The following TMEM89 variants were observed in gnomAD, a reference collection of about 807,000 sequenced individuals.
TMEM89 encodes the protein transmembrane protein 89.
Under a neutral mutation model 9.3 loss-of-function variants are expected in TMEM89, and 4 were observed. The observed-to-expected ratio is 0.43, with a 90% CI of 0.21 to 0.98. The LOEUF (loss-of-function observed/expected upper bound fraction) is 0.98, where lower values mean the gene tolerates loss of function less well. TMEM89 is among the 50% of genes least tolerant of loss of function. The pLI is 0.27. For synonymous variants in TMEM89, 96 were observed against 92.5 expected (o/e 1.04, Z -0.21); for missense variants, 220 against 214.7 (o/e 1.02, Z -0.15).
At chr3:48,621,296 C>G (rs1192041471) in intron 1 of TMEM89, among the ~76,000 whole-genome samples, 167 bp downstream of exon 1, 1 of 130,982 alleles carries the variant, frequency 7.6e-6, no homozygotes, top group Non-Finnish European at 1.6e-5. Context: ...ATGGGTTCCA[C>G]GAAGGTGTGT....
At position 48,621,731 on chromosome 3, in the gene TMEM89, G is replaced by A; in HGVS notation, c.26C>T (p.Pro9Leu). The A allele has an allele frequency of 2.5e-6, 4 of 1,613,100 alleles. No homozygotes were observed. The highest frequency in any genetic ancestry group is 3.4e-6 in the Non-Finnish European group (4 of 1,179,894). ...AGACGTCACCAGCAGGAGCAGCAAAGGCAGCGAGGCCAGCACATGCAGCAT... is the reference window on the plus strand; with the variant it reads ...AGACGTCACCAGCAGGAGCAGCAAAAGCAGCGAGGCCAGCACATGCAGCAT... MLHVLASL[P>L]LLLLLVTSAS... Residue 9 changes from proline to leucine, a missense_variant, in exon 1 of 2, where the codon CCT (proline) becomes CTT (leucine). By Grantham distance (98) the Pro-to-Leu change is moderately conservative. Transcript: ENST00000330862.
In TMEM89 at chr3:48,620,809, C is replaced by T. The variant is rs1309177550; in HGVS notation, c.*33G>A. 4.3e-6 allele frequency: 7 copies of T among 1,609,482 alleles called. No homozygotes were observed. Among genetic ancestry groups the T allele is most frequent in the Non-Finnish European group, 6.0e-6 (7 of 1,176,112 alleles). ...AAAGAGCAGACCTGGCCCAGGACCT[C>T]AGGCTGTCAGGCAAAGAGAGGCACA... On this transcript the variant is annotated 3_prime_UTR_variant, in exon 2 of 2. Transcript: ENST00000330862.
Position 48,620,922 on chromosome 3 carries a change from C to T in TMEM89, c.400G>A (p.Val134Ile). The change falls in exon 2 of 2, where the codon GTC (valine) becomes ATC (isoleucine). Residue 134 changes from valine (V) to isoleucine (I), a missense_variant. Transcript: ENST00000330862. ...GVLHMLDALL[V>I]HIEGHLRHLA... ...TGACGTAGGTGGCCTTCGATGTGGA[C>T]CAGGAGGGCATCCAGCATGTGCAGG... 6.2e-7 allele frequency: 1 copy of T among 1,614,118 alleles called. No homozygotes were observed.
chr3:48,621,478 C>G lies in TMEM89; in HGVS notation c.279G>C (p.Gln93His). 1 of 1,613,120 alleles carries G rather than the reference C, an allele frequency of 6.2e-7. No individual in the cohort carries two copies. Among genetic ancestry groups the G allele is most frequent in the Non-Finnish European group, 8.5e-7 (1 of 1,179,746 alleles). ...CTGTGCTCACCTCACCCTTGGTGGC[C>G]TGTGAGCGCCGCCGCCCCTGCAGTA... ...RKILQGRRRS[Q>H]ATKGEHPQVT... The change falls in exon 1 of 2, where the codon CAG becomes CAC. Residue 93 changes from glutamine (Q) to histidine (H), a missense_variant. Coordinates refer to ENST00000330862, the MANE Select transcript of TMEM89 (RefSeq NM_001008269.3).
intron 1 of TMEM89, among the ~76,000 whole-genome samples, 178 bp downstream of exon 1, chr3:48,621,285 C>T (rs2046537205): frequency 6.9e-6 from 1 of 145,132 alleles, no homozygotes; most frequent in Non-Finnish European, 1.5e-5. Flanking sequence ...GGGTGGTGGA[C>T]ATGGGTTCCA....
At position 48,620,805 on chromosome 3, in the gene TMEM89, A is replaced by C; in HGVS notation, c.*37T>G. 6.2e-7 allele frequency: 1 copy of C among 1,603,746 alleles called. No individual in the cohort carries two copies. Among genetic ancestry groups the C allele is most frequent in the Non-Finnish European group, 8.5e-7 (1 of 1,171,112 alleles). The stretch of plus-strand genomic sequence containing the variant: ...CTGGAAAGAGCAGACCTGGCCCAGG[A>C]CCTCAGGCTGTCAGGCAAAGAGAGG... On this transcript the variant is annotated 3_prime_UTR_variant, in exon 2 of 2. Transcript: ENST00000330862.
Position 48,620,844 on chromosome 3 carries a change from A to G in TMEM89, c.478T>C (p.Ter160ArgextTer?). The change falls in exon 2 of 2, where the codon TGA becomes CGA. Residue 160 changes from the stop codon to arginine, a stop_lost. Coordinates refer to ENST00000330862, the MANE Select transcript of TMEM89 (RefSeq NM_001008269.3). The part of the protein sequence containing the change: ...QIKGTSTQSG[*>R] ...GGCAAAGAGAGGCACATGTTCGGTC[A>G]CCCACTCTGGGTGGAAGTCCCCTTT... 6.2e-7 allele frequency: 1 copy of G among 1,614,080 alleles called. No individual in the cohort carries two copies. Among genetic ancestry groups the G allele is most frequent in the South Asian group, 1.1e-5 (1 of 91,078 alleles).
chr3:48,621,088 G>A, intron 1 of TMEM89, 61 bp from the exon 2 acceptor site: 1 of 1,551,508 alleles, frequency 6.4e-7, no homozygotes, highest in East Asian at 2.3e-5. Flanking sequence ...ATGTGACAAG[G>A]GGCAGTGATG....
In TMEM89 at chr3:48,620,903, A is replaced by G. The variant is rs1202316514; in HGVS notation, c.419T>C (p.Leu140Pro). 6 of 1,614,060 alleles carry G rather than the reference A, an allele frequency of 3.7e-6. No homozygotes were observed. The highest frequency in any genetic ancestry group is 4.2e-6 in the Non-Finnish European group (5 of 1,180,034). The change falls in exon 2 of 2, where the codon CTA (leucine) becomes CCA (proline). Residue 140 changes from leucine (L) to proline (P), a missense_variant. Coordinates refer to ENST00000330862, the MANE Select transcript of TMEM89 (RefSeq NM_001008269.3). ...DALLVHIEGH[L>P]RHLATQRQIQ... ...TTGCCGCTGGGTGGCTAGATGACGT[A>G]GGTGGCCTTCGATGTGGACCAGGAG...
rs747974343 is a variant in TMEM89, at chr3:48,621,665, A to G, written c.92T>C (p.Val31Ala). Residue 31 changes from valine to alanine, a missense_variant, in exon 1 of 2, where the codon GTG (valine) becomes GCG (alanine). Transcript: ENST00000330862. The stretch of plus-strand genomic sequence containing the variant: ...CCCCCAGGGCTGCAAGTCCAGCCCC[A>G]CCTGGTACCAGAGGGGTCTCGACCA... ...HAWSRPLWYQ[V>A]GLDLQPWGCQ... 1.9e-6 allele frequency: 3 copies of G among 1,613,878 alleles called. No homozygotes were observed. Among genetic ancestry groups the G allele is most frequent in the Non-Finnish European group, 2.5e-6 (3 of 1,179,974 alleles).
At chr3:48,621,432 G>C (rs764913919) in intron 1 of TMEM89, 31 bp downstream of exon 1, 2 of 1,604,964 alleles carry the variant, frequency 1.2e-6, no homozygotes, top group African/African-American at 2.7e-5. Flanking sequence ...TGAGGCAGGG[G>C]CTGTGGGGGA....
intron 1 of TMEM89, 130 bp from the exon 2 acceptor site, chr3:48,621,157 T>C: frequency 3.3e-6 from 3 of 919,354 alleles, no homozygotes; most frequent in Non-Finnish European, 5.0e-6. Flanking sequence ...GGAGGGAGAC[T>C]CAGGGTGATA....
In TMEM89 at chr3:48,621,477, C is replaced by T. The variant is rs138405360; in HGVS notation, c.280G>A (p.Ala94Thr). 4.3e-5 allele frequency: 69 copies of T among 1,612,990 alleles called. 2 individuals are homozygous for T. In the South Asian group the frequency reaches 6.9e-4, roughly 16 times the overall value. ...GCTGTGCTCACCTCACCCTTGGTGG[C>T]CTGTGAGCGCCGCCGCCCCTGCAGT... ...KILQGRRRSQ[A>T]TKGEHPQVTT... The change falls in exon 1 of 2, where the codon GCC becomes ACC. Residue 94 changes from alanine (A) to threonine (T), a missense_variant. By Grantham distance (58) the Ala-to-Thr change is moderately conservative. Transcript: ENST00000330862.
chr3:48,621,200 T>C (rs1194586042), intron 1 of TMEM89, among the ~76,000 whole-genome samples, 173 bp from the exon 2 acceptor site: 2 of 151,084 alleles, frequency 1.3e-5, no homozygotes, highest in African/African-American at 4.9e-5. Flanking sequence ...TGGGCTACAG[T>C]GGTCATGGGG....
chr3:48,621,152 G>A (rs2046536131), intron 1 of TMEM89, 125 bp from the exon 2 acceptor site: 5 of 980,670 alleles, frequency 5.1e-6, no homozygotes, highest in South Asian at 1.5e-5. Flanking sequence ...GGATGGGAGG[G>A]AGACTCAGGG....
chr3:48,621,391 T>C (rs1575518967), intron 1 of TMEM89, 72 bp downstream of exon 1: 20 of 1,549,804 alleles, frequency 1.3e-5, no homozygotes, highest in Non-Finnish European at 1.7e-5. Flanking sequence ...CAGGGTTGGG[T>C]GGAAGACGGG....
At position 48,621,545 on chromosome 3, in the gene TMEM89, G is replaced by A. The variant is rs558101640; in HGVS notation, c.212C>T (p.Ala71Val). 35 of 1,613,826 alleles carry A rather than the reference G, an allele frequency of 2.2e-5. No individual in the cohort carries two copies. The highest frequency in any genetic ancestry group is 7.7e-5 in the South Asian group (7 of 91,084). The change falls in exon 1 of 2, where the codon GCG becomes GTG. Residue 71 changes from alanine to valine, a missense_variant. By Grantham distance (64) the Ala-to-Val change is moderately conservative. Coordinates refer to ENST00000330862, the MANE Select transcript of TMEM89 (RefSeq NM_001008269.3). ...PGASRIYPVA[A>V]VMITTTMLMI... ...CAGCATCGTGGTGGTGATCATGACC[G>A]CAGCCACGGGGTAGATGCGGCTTGC...
chr3:48,621,066 G>A, intron 1 of TMEM89, 39 bp from the exon 2 acceptor site: 2 of 1,599,864 alleles, frequency 1.3e-6, no homozygotes, highest in Non-Finnish European at 1.7e-6. Context: ...AGAATGGTGG[G>A]CAGAGAGGGA....
Position 48,620,893 on chromosome 3 carries a change from T to TAGATGACGTAGGTGGCC in TMEM89, c.412_428dup (p.Gln146TyrfsTer4). On this transcript the variant is annotated frameshift_variant, in exon 2 of 2. Transcript: ENST00000330862. LOFTEE classifies it high-confidence loss of function. The stretch of plus-strand genomic sequence containing the variant: ...TTATTTGGATTTGCCGCTGGGTGGC[T>TAGATGACGTAGGTGGCC]AGATGACGTAGGTGGCCTTCGATGT... 6.2e-7 allele frequency: 1 copy of TAGATGACGTAGGTGGCC among 1,614,138 alleles called. No homozygotes were observed. Among genetic ancestry groups the TAGATGACGTAGGTGGCC allele is most frequent in the Non-Finnish European group, 8.5e-7 (1 of 1,180,022 alleles).
Sources: gnomAD v4.1 joint callset for allele counts (sites outside exome capture counted in the v4.1 genomes callset) on GRCh38, gnomAD v4.1.1 for gene constraint, MANE v1.5 for transcripts, NCBI Gene and HGNC (gene_info 2026-07-23, HGNC 2026-07-21) for gene names.